IGSF11: variants seen among roughly 807,000 people sequenced by gnomAD.
The protein encoded by IGSF11 is CXADR like 1.
Under a neutral mutation model 41.0 loss-of-function variants are expected in IGSF11, and 22 were observed. The ratio of observed to expected loss-of-function variants is 0.54; its 90% CI spans 0.38 to 0.77. The LOEUF is 0.77. Ranked by LOEUF, IGSF11 falls within the 30% of genes least tolerant of loss-of-function variation. IGSF11 has a pLI of 0.00. For synonymous variants in IGSF11, 219 were observed against 201.3 expected (o/e 1.09, Z -0.74); for missense variants, 444 against 530.8 (o/e 0.84, Z 1.61).
chr3:118,984,232 C>T lies in IGSF11; in HGVS notation c.52+50299G>A, dbSNP rs575118459. ...CATCCTGCTGAAGTATCCTTCCCCTCCCCTTATAACCAGAAAAAGCAAAGC... is the reference window on the plus strand; with the variant it reads ...CATCCTGCTGAAGTATCCTTCCCCTTCCCTTATAACCAGAAAAAGCAAAGC... On this transcript the variant is annotated intron_variant, in intron 1 of 6. Coordinates refer to ENST00000393775, the MANE Select transcript of IGSF11 (RefSeq NM_001015887.3). 3.3e-5 allele frequency among the ~76,000 whole-genome samples: 5 copies of T among 151,504 alleles called. No individual in the cohort carries two copies. In the East Asian group the frequency reaches 9.7e-4, roughly 29 times the overall value.
Position 119,068,551 on chromosome 3 carries a change from A to G in IGSF11, c.49+36593T>C, listed in dbSNP as rs74448061. Among the ~76,000 whole-genome samples, 2,270 of 152,308 alleles carry G rather than the reference A, an allele frequency of 0.015. 90 individuals are homozygous for G. The East Asian group carries it at 0.16, about 10-fold the overall frequency. On this transcript the variant is annotated intron_variant, in intron 1 of 6. Transcript: ENST00000354673. ...AACCCAAAGAACATTATGCCATTTA[A>G]TATTTGCATGCTAGCAGCATGACTT...
At chr3:118,930,804 T>C (rs1942784090) in intron 1 of IGSF11, among the ~76,000 whole-genome samples, 1 of 152,174 alleles carries the variant, frequency 6.6e-6, no homozygotes, top group South Asian at 2.1e-4. Flanking sequence ...ATGCCAATTG[T>C]CCCTAAATTG....
At chr3:119,032,596 C>T (rs1039320387) in intron 1 of IGSF11, among the ~76,000 whole-genome samples, 1 of 152,168 alleles carries the variant, frequency 6.6e-6, no homozygotes, top group South Asian at 2.1e-4. Context: ...AAGAGTATAC[C>T]CCTGCCTGTT....
intron 1 of IGSF11, among the ~76,000 whole-genome samples, chr3:119,001,568 C>T: frequency 7.0e-6 from 1 of 143,774 alleles, no homozygotes; most frequent in African/African-American, 2.6e-5. Context: ...TGCGCTGCAC[C>T]CACTAACTCG....
Position 119,078,334 on chromosome 3 carries a change from T to A in IGSF11, c.49+26810A>T, listed in dbSNP as rs937232767. ...CAAAAACAGAGACCATGACCAATGG[T>A]ACACCAATACAGCATGGTACTGGTA... is the stretch of plus-strand genomic sequence containing the variant. On this transcript the variant is annotated intron_variant, in intron 1 of 6. Transcript: ENST00000354673. 3.3e-5 allele frequency among the ~76,000 whole-genome samples: 5 copies of A among 152,114 alleles called. 1 individual carries two copies. Among genetic ancestry groups the A allele is most frequent in the East Asian group, 3.9e-4 (2 of 5,170 alleles).
chr3:119,056,902 G>A (rs1344029039), intron 1 of IGSF11, among the ~76,000 whole-genome samples: 1 of 152,114 alleles, frequency 6.6e-6, no homozygotes. Flanking sequence ...TGCAGAAAAG[G>A]CCTTTGACAA....
chr3:118,967,319 G>A (rs1039137986), intron 1 of IGSF11, among the ~76,000 whole-genome samples: 2 of 152,070 alleles, frequency 1.3e-5, no homozygotes, highest in Non-Finnish European at 2.9e-5. Flanking sequence ...CATGATCTGC[G>A]TTAAATTTTA....
intron 1 of IGSF11, among the ~76,000 whole-genome samples, chr3:118,936,035 G>C (rs1024723108): frequency 6.6e-5 from 10 of 151,882 alleles, no homozygotes; most frequent in Non-Finnish European, 1.2e-4. Flanking sequence ...AAGTTTCTTA[G>C]AGTAATAAAA....
chr3:119,104,635 G>T (rs542035507), intron 1 of IGSF11, among the ~76,000 whole-genome samples: 7 of 152,228 alleles, frequency 4.6e-5, no homozygotes, highest in African/African-American at 1.7e-4. Flanking sequence ...CCTTTAAAAG[G>T]TTATGAAACT....
At chr3:118,938,023 C>CATAT (rs200203696) in intron 1 of IGSF11, among the ~76,000 whole-genome samples, 3 of 149,572 alleles carry the variant, frequency 2.0e-5, no homozygotes, top group African/African-American at 7.4e-5. Context: ...CTCTCTCTCT[C>CATAT]ATATATATAT....
chr3:119,073,945 C>T (rs1457610728), intron 1 of IGSF11, among the ~76,000 whole-genome samples: 1 of 152,226 alleles, frequency 6.6e-6, no homozygotes, highest in Non-Finnish European at 1.5e-5. Flanking sequence ...CGAGGGCTGC[C>T]AGCACGCTGT....
intron 1 of IGSF11, among the ~76,000 whole-genome samples, chr3:119,028,589 T>G (rs1004008337): frequency 2.6e-5 from 4 of 151,604 alleles, no homozygotes; most frequent in Non-Finnish European, 5.9e-5. Flanking sequence ...GCTTCAGAAT[T>G]CCTTAGGAAA....
At chr3:118,927,954 GA>G (rs1041089272) in intron 3 of IGSF11, among the ~76,000 whole-genome samples, 4 of 151,602 alleles carry the variant, frequency 2.6e-5, no homozygotes, top group Non-Finnish European at 4.4e-5. Flanking sequence ...GCAATCTGGG[GA>G]AAAAAAACCT....
rs1941550810 is a variant in IGSF11 at position 119,050,071 on chromosome 3, T to C, written c.49+55073A>G. 1.3e-5 allele frequency among the ~76,000 whole-genome samples: 2 copies of C among 148,762 alleles called. 1 individual carries two copies. Among genetic ancestry groups the C allele is most frequent in the South Asian group, 4.4e-4 (2 of 4,500 alleles). On this transcript the variant is annotated intron_variant, in intron 1 of 6. Transcript: ENST00000354673. Reference sequence around the variant, plus strand: ...CTAGAAGAAAACCTAGGCATTACCATTCAGGACATAGGCATGGGCAAGGAC... The same window carrying C: ...CTAGAAGAAAACCTAGGCATTACCACTCAGGACATAGGCATGGGCAAGGAC...
At chr3:118,988,844 G>T (rs1255150181) in intron 1 of IGSF11, among the ~76,000 whole-genome samples, 1 of 152,182 alleles carries the variant, frequency 6.6e-6, no homozygotes, top group East Asian at 1.9e-4. Flanking sequence ...TTCCTGAACT[G>T]TGAGGTTTCT....
intron 1 of IGSF11, among the ~76,000 whole-genome samples, chr3:119,100,130 G>T (rs1352734683): frequency 6.6e-6 from 1 of 152,088 alleles, no homozygotes; most frequent in Non-Finnish European, 1.5e-5. Context: ...TGCAATTGTG[G>T]GTAACTGAAA....
At chr3:119,124,670 A>G (rs1039760874) in intron 1 of IGSF11, among the ~76,000 whole-genome samples, 3 of 152,138 alleles carry the variant, frequency 2.0e-5, no homozygotes, top group African/African-American at 7.2e-5. Context: ...TACAGGATCT[A>G]GAAAATAGTT....
intron 1 of IGSF11, among the ~76,000 whole-genome samples, chr3:118,955,375 C>G (rs1278113579): frequency 6.6e-6 from 1 of 151,952 alleles, no homozygotes; most frequent in African/African-American, 2.4e-5. Context: ...TAATGGAAAA[C>G]CAAATATCAT....
intron 1 of IGSF11, among the ~76,000 whole-genome samples, chr3:119,078,789 A>G (rs969439874): frequency 6.6e-6 from 1 of 152,174 alleles, no homozygotes; most frequent in Non-Finnish European, 1.5e-5. Flanking sequence ...TACCTAAATA[A>G]TGGGAGAAAA....
Sources: gnomAD v4.1 joint callset for allele counts (sites outside exome capture counted in the v4.1 genomes callset) on GRCh38, gnomAD v4.1.1 for gene constraint, MANE v1.5 for transcripts, NCBI Gene and HGNC (gene_info 2026-07-23, HGNC 2026-07-21) for gene names.